The following NDUFAF1 variants were observed in gnomAD, a reference collection of about 807,000 sequenced individuals.
NDUFAF1 encodes the protein complex I intermediate-associated protein 30, mitochondrial.
A neutral mutation model predicts 28.7 loss-of-function variants in NDUFAF1; 18 were observed. That is an observed-to-expected ratio of 0.63 (90% confidence interval 0.43 to 0.93). The LOEUF is 0.93. Ranked by LOEUF, NDUFAF1 falls within the 40% of genes least tolerant of loss-of-function variation. The probability of loss-of-function intolerance (pLI) is 0.00; values close to 1 mark genes in which losing one functional copy is unlikely to be tolerated. For missense variants in NDUFAF1, 404 were observed against 398.3 expected, an observed-to-expected ratio of 1.01 and a Z score of -0.12; for synonymous variants, 113 against 139.7, an observed-to-expected ratio of 0.81 and a Z score of 1.35.
chr15:41,398,222 T>A (rs2050417542), intron 1 of NDUFAF1, among the ~76,000 whole-genome samples: 1 of 150,854 alleles, frequency 6.6e-6, no homozygotes, highest in African/African-American at 2.4e-5. Flanking sequence ...CCAGGTGTGG[T>A]AGCTCACGCC....
chr15:41,401,399 T>TG (rs1183006494), intron 1 of NDUFAF1, among the ~76,000 whole-genome samples: 1 of 150,388 alleles, frequency 6.6e-6, no homozygotes, highest in East Asian at 2.0e-4. Context: ...GCCTCCCGAG[T>TG]GGCTGAAATT....
chr15:41,402,542 C>A, upstream of NDUFAF1: 1 of 313,586 alleles, frequency 3.2e-6, no homozygotes. Context: ...GGCGTCAGAA[C>A]ACCAAAGTTC....
At chr15:41,394,733 G>C (rs780161953) in intron 3 of NDUFAF1, 126 bp downstream of exon 3, 2 of 885,226 alleles carry the variant, frequency 2.3e-6, no homozygotes, top group Admixed American at 2.1e-5. Context: ...GGCCAACCTG[G>C]TCTCGAACTC....
chr15:41,387,685 T>A, intron 4 of NDUFAF1, 92 bp from the exon 5 acceptor site: 5 of 1,094,294 alleles, frequency 4.6e-6, no homozygotes, highest in Non-Finnish European at 6.9e-6. Flanking sequence ...GTGATGATTA[T>A]AACTGGGTTT....
At chr15:41,401,606 A>C (rs1465317454) in intron 1 of NDUFAF1, among the ~76,000 whole-genome samples, 2 of 151,090 alleles carry the variant, frequency 1.3e-5, no homozygotes, top group African/African-American at 4.9e-5. Flanking sequence ...TTGTATTTTT[A>C]GTAGAGACAG....
At position 41,389,966 on chromosome 15, in the gene NDUFAF1, A is replaced by AT. The variant is rs34963452; in HGVS notation, c.760-1445dup. Among the ~76,000 whole-genome samples the AT allele has an allele frequency of 7.0e-3, 1,043 of 149,162 alleles. 16 individuals are homozygous for AT. The highest frequency in any genetic ancestry group is 0.024 in the African/African-American group (991 of 40,760). On this transcript the variant is annotated intron_variant, in intron 3 of 4. Coordinates refer to ENST00000260361, the MANE Select transcript of NDUFAF1 (RefSeq NM_016013.4). The stretch of plus-strand genomic sequence containing the variant: ...ATGAAGAACAAGTTAAGAAAAAAAA[A>AT]TTTTTTTTTTTGAGACAGGGTCTTA...
At chr15:41,394,318 G>A (rs1238048662) in intron 3 of NDUFAF1, 1 of 1,283,596 alleles carries the variant, frequency 7.8e-7, no homozygotes, top group Admixed American at 2.3e-5. Flanking sequence ...ACAGGTGTGA[G>A]CCACCACGCA....
At chr15:41,400,712 G>GTTTTTTTTTTT (rs1566827639) in intron 1 of NDUFAF1, among the ~76,000 whole-genome samples, 1 of 126,094 alleles carries the variant, frequency 7.9e-6, no homozygotes, top group Non-Finnish European at 1.6e-5. Context: ...TTTTTTTTTG[G>GTTTTTTTTTTT]ATTTTTAATA....
intron 3 of NDUFAF1, chr15:41,394,164 G>C (rs943507758): frequency 2.2e-6 from 1 of 446,706 alleles, no homozygotes; most frequent in Non-Finnish European, 4.5e-6. Flanking sequence ...GAGTAGCTGG[G>C]ATTACAGGCA....
At chr15:41,400,688 ATTTTTTTTTTTT>A (rs58010983) in intron 1 of NDUFAF1, among the ~76,000 whole-genome samples, 2 of 97,822 alleles carry the variant, frequency 2.0e-5, no homozygotes, top group Non-Finnish European at 3.8e-5. Context: ...ATGCCCAGCT[ATTTTTTTTTTTT>A]TTTTTTTTTT....
At chr15:41,399,137 A>G (rs907029553) in intron 1 of NDUFAF1, among the ~76,000 whole-genome samples, 1 of 152,046 alleles carries the variant, frequency 6.6e-6, no homozygotes, top group African/African-American at 2.4e-5. Context: ...ACGGTGGCTC[A>G]TGCCTGTAAT....
chr15:41,388,040 G>A (rs1438981684), intron 4 of NDUFAF1, among the ~76,000 whole-genome samples: 2 of 152,088 alleles, frequency 1.3e-5, no homozygotes, highest in African/African-American at 4.8e-5. Context: ...AACCCGGGAG[G>A]TAGAGGTTGC....
upstream of NDUFAF1, chr15:41,402,535 G>T (rs1008869520): frequency 9.5e-6 from 3 of 316,378 alleles, no homozygotes; most frequent in Non-Finnish European, 1.9e-5. Flanking sequence ...CAAACAAGGC[G>T]TCAGAACACC....
intron 4 of NDUFAF1, among the ~76,000 whole-genome samples, chr15:41,388,113 AAAC>A (rs759382996): frequency 3.3e-5 from 5 of 152,176 alleles, no homozygotes; most frequent in Non-Finnish European, 5.9e-5. Flanking sequence ...CCATGTCAAA[AAAC>A]AAAAAGACTA....
chr15:41,396,513 A>C lies in NDUFAF1; in HGVS notation c.547T>G (p.Cys183Gly). ...CTTGGAATCCTGGATATCATTGCAC[A>C]GTACCCACTTCGGGTAGACTCCCCG... ...QDGESTRSGY[C>G]AMISRIPRGA... The change falls in exon 2 of 5, where the codon TGT becomes GGT. Residue 183 changes from cysteine to glycine, a missense_variant. Physicochemically the swap from Cys to Gly is radical, Grantham distance 159. Transcript: ENST00000260361. 1 of 1,614,182 alleles carries C rather than the reference A, an allele frequency of 6.2e-7. No homozygotes were observed. Among genetic ancestry groups the C allele is most frequent in the Non-Finnish European group, 8.5e-7 (1 of 1,180,038 alleles).
chr15:41,399,684 C>T (rs2050435816), intron 1 of NDUFAF1, among the ~76,000 whole-genome samples: 1 of 150,888 alleles, frequency 6.6e-6, no homozygotes, highest in Admixed American at 6.6e-5. Flanking sequence ...GAAACCCCGT[C>T]TCTACTAAAA....
intron 3 of NDUFAF1, chr15:41,394,019 C>CTT (rs549825524): frequency 0.019 from 2,427 of 130,042 alleles, 411 homozygotes; most frequent in African/African-American, 0.075. Context: ...TAGGACACTA[C>CTT]TTTTTTTTTT....
intron 3 of NDUFAF1, among the ~76,000 whole-genome samples, chr15:41,391,607 T>TA (rs534238039): frequency 0.23 from 29,415 of 127,712 alleles, 3,260 homozygotes; most frequent in Non-Finnish European, 0.27. Flanking sequence ...GACTCCATCT[T>TA]AAAAAAAAAA....
chr15:41,394,453 C>T (rs1253957876), intron 3 of NDUFAF1: 5 of 1,026,302 alleles, frequency 4.9e-6, no homozygotes, highest in Non-Finnish European at 6.7e-6. Flanking sequence ...TAGCATGGAC[C>T]TGGCCACATC....
Sources: allele counts gnomAD v4.1 joint callset (sites outside exome capture counted in the v4.1 genomes callset), GRCh38; gene constraint gnomAD v4.1.1; transcripts MANE v1.5; gene names NCBI Gene and HGNC (gene_info 2026-07-23, HGNC 2026-07-21).